PRDM11: variants seen among roughly 807,000 people sequenced by gnomAD.
The protein encoded by PRDM11 is PR domain-containing protein 11.
PRDM11 carries 20 observed loss-of-function variants against 97.8 expected under a neutral mutation model. The ratio of observed to expected loss-of-function variants is 0.20; its 90% CI spans 0.14 to 0.30. The LOEUF (loss-of-function observed/expected upper bound fraction) is 0.30. Among genes scored for constraint, PRDM11 ranks in the 10% least tolerant of loss-of-function variants. PRDM11 has a pLI of 1.00. For missense variants in PRDM11, 1,139 were observed against 1,555.2 expected, an observed-to-expected ratio of 0.73 and a Z score of 4.50; for synonymous variants, 599 against 637.7, an observed-to-expected ratio of 0.94 and a Z score of 0.91.
rs939157448 is a variant in PRDM11 at position 45,105,285 on chromosome 11, A to G, written c.96+9384A>G. Among the ~76,000 whole-genome samples the G allele has an allele frequency of 1.1e-4, 17 of 152,338 alleles. No individual in the cohort carries two copies. The East Asian group carries it at 2.3e-3, about 21-fold the overall frequency. ...CCATCACATCGGTGATTAGGTTTCA[A>G]TGTGGGAATTTGAGGAGTACACATT... On this transcript the variant is annotated intron_variant, in intron 1 of 6. Transcript: ENST00000530656.
At chr11:45,143,740 A>T (rs1590375323), upstream of PRDM11, among the ~76,000 whole-genome samples, 1 of 152,326 alleles carries the variant, frequency 6.6e-6, no homozygotes, top group Non-Finnish European at 1.5e-5. Flanking sequence ...GCCTGCAAAA[A>T]ATAGTGATGA....
At position 45,095,980 on chromosome 11, in the gene PRDM11, C is replaced by G. The variant is rs528286992; in HGVS notation, c.96+79C>G. Reference sequence around the variant, plus strand: ...ACTACCTCTCCCTGGAATACTCTTCCTCCAGATCTTTATTCAGGCCCCTGC... The same window carrying G: ...ACTACCTCTCCCTGGAATACTCTTCGTCCAGATCTTTATTCAGGCCCCTGC... On this transcript the variant is annotated intron_variant, in intron 1 of 6. Transcript: ENST00000530656. 9 of 731,812 alleles carry G rather than the reference C, an allele frequency of 1.2e-5. No individual in the cohort carries two copies. In the African/African-American group the frequency reaches 1.6e-4, roughly 13 times the overall value. The allele number at this position is 731,812 out of a possible 1,614,324, so 45.3% of individuals were successfully genotyped here.
chr11:45,129,214 G>A (rs370466047), intron 1 of PRDM11, among the ~76,000 whole-genome samples: 12 of 152,246 alleles, frequency 7.9e-5, no homozygotes, highest in Admixed American at 7.2e-4. Flanking sequence ...ACATAAACTA[G>A]TGAATGCTTT....
intron 1 of PRDM11, 147 bp downstream of exon 1, chr11:45,147,024 G>C (rs1459141245): frequency 1.4e-5 from 2 of 145,894 alleles, no homozygotes; most frequent in African/African-American, 2.5e-5. Flanking sequence ...GCGCGGGCGC[G>C]GGGCGGGGGT....
At chr11:45,217,580 C>T (rs1180998338) in intron 5 of PRDM11, among the ~76,000 whole-genome samples, 1 of 152,252 alleles carries the variant, frequency 6.6e-6, no homozygotes, top group Admixed American at 6.5e-5. Flanking sequence ...GCTCTCCCAT[C>T]TGCCTTGGTC....
At chr11:45,139,819 G>C (rs576424305) in intron 1 of PRDM11, among the ~76,000 whole-genome samples, 1 of 152,272 alleles carries the variant, frequency 6.6e-6, no homozygotes, top group Admixed American at 6.5e-5. Context: ...AGGGACTGTA[G>C]GTGTCTCACT....
At chr11:45,146,278 T>G (rs1851505593), upstream of PRDM11, among the ~76,000 whole-genome samples, 1 of 152,144 alleles carries the variant, frequency 6.6e-6, no homozygotes, top group African/African-American at 2.4e-5. Flanking sequence ...GACTATTTGG[T>G]TCCAAATGGA....
chr11:45,156,364 C>G (rs1035690699), intron 1 of PRDM11, among the ~76,000 whole-genome samples: 12 of 152,340 alleles, frequency 7.9e-5, no homozygotes, highest in African/African-American at 2.9e-4. Context: ...GGAGCGGCCC[C>G]TTGTGCTCTG....
intron 1 of PRDM11, among the ~76,000 whole-genome samples, chr11:45,107,705 A>G (rs1025191085): frequency 5.3e-5 from 8 of 152,172 alleles, no homozygotes; most frequent in African/African-American, 1.2e-4. Flanking sequence ...TTTCACACCA[A>G]TCCTCTGTAG....
intron 1 of PRDM11, among the ~76,000 whole-genome samples, chr11:45,103,873 G>A (rs1441670885): frequency 6.6e-6 from 1 of 151,910 alleles, no homozygotes; most frequent in African/African-American, 2.4e-5. Context: ...AATCATGTAA[G>A]AAAGGGGCTT....
intron 1 of PRDM11, among the ~76,000 whole-genome samples, chr11:45,108,613 G>A (rs1249033873): frequency 6.6e-6 from 1 of 152,150 alleles, no homozygotes; most frequent in African/African-American, 2.4e-5. Context: ...TCCTCATGGT[G>A]GGGCCTCACT....
rs1343312701 is a variant in PRDM11, at chr11:45,228,689, G to A, written c.*530G>A. 3 of 152,120 alleles carry A rather than the reference G, an allele frequency of 2.0e-5. No individual in the cohort carries two copies. Among genetic ancestry groups the A allele is most frequent in the Non-Finnish European group, 2.9e-5 (2 of 68,020 alleles). The allele number at this position is 152,120 out of a possible 1,614,324, so 9.4% of individuals were successfully genotyped here. A position where few individuals can be genotyped will look rare whatever the true frequency, so the allele number is the denominator to read the frequency against. On this transcript the variant is annotated 3_prime_UTR_variant, in exon 8 of 8. Coordinates refer to ENST00000683152, the MANE Select transcript of PRDM11 (RefSeq NM_001384648.1). ...AGATCTCTGACTTAAGTCAGGGTGG[G>A]TTGTCTGTCTGCATTTGGGAGGCAG...
rs140148301 is a variant in PRDM11 at position 45,216,404 on chromosome 11, C to A, written c.555-3166C>A. On this transcript the variant is annotated intron_variant, in intron 5 of 7. Coordinates refer to ENST00000683152, the MANE Select transcript of PRDM11 (RefSeq NM_001384648.1). Reference sequence around the variant, plus strand: ...CCTTGGGGAGGGCTTCTGATTTCTGCAGCCATGTAATGAATGGAACAGGCA... The same window carrying A: ...CCTTGGGGAGGGCTTCTGATTTCTGAAGCCATGTAATGAATGGAACAGGCA... Among the ~76,000 whole-genome samples the A allele has an allele frequency of 3.2e-3, 490 of 152,228 alleles. 8 individuals carry two copies. Among genetic ancestry groups the A allele is most frequent in the African/African-American group, 0.011 (477 of 41,534 alleles).
intron 1 of PRDM11, among the ~76,000 whole-genome samples, chr11:45,110,317 A>G (rs1852145808): frequency 1.3e-5 from 2 of 152,130 alleles, no homozygotes; most frequent in Admixed American, 1.3e-4. Context: ...CCTTACAGAG[A>G]TCTGGCTTGC....
At chr11:45,164,813 C>T (rs1852020925) in intron 1 of PRDM11, among the ~76,000 whole-genome samples, 1 of 152,180 alleles carries the variant, frequency 6.6e-6, no homozygotes, top group South Asian at 2.1e-4. Flanking sequence ...GGGGGCCCAG[C>T]TTCTGGAGTT....
chr11:45,208,224 A>G (rs1234408802), intron 5 of PRDM11, among the ~76,000 whole-genome samples: 1 of 152,220 alleles, frequency 6.6e-6, no homozygotes, highest in South Asian at 2.1e-4. Flanking sequence ...GCCTGCACAT[A>G]TGCAAAGGTG....
intron 5 of PRDM11, among the ~76,000 whole-genome samples, chr11:45,208,133 TC>T (rs1853581535): frequency 6.6e-6 from 1 of 152,172 alleles, no homozygotes; most frequent in Admixed American, 6.5e-5. Context: ...CTCAGGACAG[TC>T]GTGGGCTTCT....
In PRDM11 at chr11:45,157,581, C is replaced by T. The variant is rs150986164; in HGVS notation, c.-7+10704C>T. ...ATCCAGGTGTATGCTTCCTTTCCAC[C>T]GCCAACCTCCCAGAAGGCTGTTCCT... On this transcript the variant is annotated intron_variant, in intron 1 of 7. Transcript: ENST00000683152. Among the ~76,000 whole-genome samples the T allele has an allele frequency of 1.7e-3, 261 of 152,294 alleles. 1 individual carries two copies. The highest frequency in any genetic ancestry group is 6.0e-3 in the African/African-American group (248 of 41,552).
At position 45,233,340 on chromosome 11, in the gene PRDM11, T is replaced by C. The variant is rs1444291994; in HGVS notation, c.*5181T>C. On this transcript the variant is annotated 3_prime_UTR_variant, in exon 8 of 8. Transcript: ENST00000683152. ...GTCCCGGCTCGCTCCATGCACTTTC[T>C]CTCCTTTTCCACAGGCTTGGTCTGA... 1 of 152,108 alleles carries C rather than the reference T, an allele frequency of 6.6e-6. No individual in the cohort carries two copies. The highest frequency in any genetic ancestry group is 2.4e-5 in the African/African-American group (1 of 41,398). 9.4% of individuals were successfully genotyped at this position (152,108 alleles called of 1,614,324 possible). A position where few individuals can be genotyped will look rare whatever the true frequency, so the allele number is the denominator to read the frequency against.
Sources: gnomAD v4.1 joint callset for allele counts (sites outside exome capture counted in the v4.1 genomes callset) on GRCh38, gnomAD v4.1.1 for gene constraint, MANE v1.5 for transcripts, NCBI Gene and HGNC (gene_info 2026-07-23, HGNC 2026-07-21) for gene names.